PLAGL1: variants seen among roughly 807,000 people sequenced by gnomAD.
The protein encoded by PLAGL1 is zinc finger protein PLAGL1.
A neutral mutation model predicts 4.6 loss-of-function variants in PLAGL1; 1 was observed. The observed-to-expected ratio is 0.22, with a 90% confidence interval of 0.08 to 1.03. The LOEUF is 1.03. Among genes scored for constraint, PLAGL1 ranks in the 50% least tolerant of loss-of-function variants. The pLI, the probability that PLAGL1 is intolerant of heterozygous loss-of-function variation, is 0.58. For synonymous variants in PLAGL1, 240 were observed against 237.8 expected (o/e 1.01, Z -0.08); for missense variants, 464 against 570.4 (o/e 0.81, Z 1.90).
At position 144,028,000 on chromosome 6, in the gene PLAGL1, G is replaced by A. The variant is rs1289138111; in HGVS notation, c.-151+36468C>T. Among the ~76,000 whole-genome samples the A allele has an allele frequency of 6.6e-6, 1 of 152,168 alleles. No individual in the cohort carries two copies. The highest frequency in any genetic ancestry group is 1.5e-5 in the Non-Finnish European group (1 of 68,022). On this transcript the variant is annotated intron_variant, in intron 1 of 3. Transcript: ENST00000437412. This position sits in a 1 kb window ranked among gnomAD's most constrained non-coding sequence, Gnocchi z 5.8. ...ATAAAGAATTCAAAACTCCAAAAATGCACAGGATTGTCCCTTTGAAGTCTC... is the reference window on the plus strand; with the variant it reads ...ATAAAGAATTCAAAACTCCAAAAATACACAGGATTGTCCCTTTGAAGTCTC...
rs1220753425 is a variant in PLAGL1 at position 143,960,475 on chromosome 6, A to G, written c.-331T>C. 1 of 152,218 alleles carries G rather than the reference A, an allele frequency of 6.6e-6. No individual in the cohort carries two copies. The highest frequency in any genetic ancestry group is 1.5e-5 in the Non-Finnish European group (1 of 68,036). 9.4% of individuals were successfully genotyped at this position (152,218 alleles called of 1,614,324 possible). A position where few individuals can be genotyped will look rare whatever the true frequency, so the allele number is the denominator to read the frequency against. On this transcript the variant is annotated 5_prime_UTR_variant, in exon 6 of 8. Transcript: ENST00000674357. This position sits in a 1 kb window ranked among gnomAD's most constrained non-coding sequence, Gnocchi z 5.7. ...AATCTTAAAACATGCGCACCTACTGAGTGACAGGGAACATCTGCTGCGAGG... is the reference window on the plus strand; with the variant it reads ...AATCTTAAAACATGCGCACCTACTGGGTGACAGGGAACATCTGCTGCGAGG...
At position 144,053,222 on chromosome 6, in the gene PLAGL1, C is replaced by T. The variant is rs946617624; in HGVS notation, c.-151+11246G>A. 6.6e-6 allele frequency among the ~76,000 whole-genome samples: 1 copy of T among 152,148 alleles called. No individual in the cohort carries two copies. The highest frequency in any genetic ancestry group is 2.4e-5 in the African/African-American group (1 of 41,416). Reference sequence around the variant, plus strand: ...CAATTTTGGCTTACTGCAACCTCTGCCTCCCGGGTTCAAGCAATTCTCCTG... The same window carrying T: ...CAATTTTGGCTTACTGCAACCTCTGTCTCCCGGGTTCAAGCAATTCTCCTG... On this transcript the variant is annotated intron_variant, in intron 1 of 3. Transcript: ENST00000437412. The surrounding 1 kb of genome is among the most constrained non-coding windows in gnomAD (Gnocchi z 4.0).
rs570603530 is a variant in PLAGL1, at chr6:143,990,223, C to T, written c.-583-5049G>A. On this transcript the variant is annotated intron_variant, in intron 1 of 7. Transcript: ENST00000674357. The surrounding 1 kb of genome is among the most constrained non-coding windows in gnomAD (Gnocchi z 5.4). ...GCAACCTCCGCCTACCGGGTTCAAG[C>T]GATTATCTTGCTTCAGCTTCCCAAG... Among the ~76,000 whole-genome samples, 3 of 152,052 alleles carry T rather than the reference C, an allele frequency of 2.0e-5. No individual in the cohort carries two copies. The highest frequency in any genetic ancestry group is 4.8e-5 in the African/African-American group (2 of 41,472).
intron 1 of PLAGL1, among the ~76,000 whole-genome samples, chr6:144,029,246 C>A (rs1796612962): frequency 6.6e-6 from 1 of 152,096 alleles, no homozygotes; most frequent in South Asian, 2.1e-4. Flanking sequence ...GTAAGGAAGG[C>A]ATTTCCAAGT....
chr6:144,044,819 G>T (rs887230447), intron 1 of PLAGL1, among the ~76,000 whole-genome samples: 1 of 151,994 alleles, frequency 6.6e-6, no homozygotes, highest in African/African-American at 2.4e-5. Flanking sequence ...TCTCTTTTTA[G>T]GTCTCTAAGG....
chr6:144,026,875 A>C (rs1486148145), intron 1 of PLAGL1, among the ~76,000 whole-genome samples: 4 of 152,154 alleles, frequency 2.6e-5, no homozygotes, highest in Admixed American at 2.6e-4. Context: ...CAGTTTGCTT[A>C]GACTTCTCAG....
chr6:144,026,963 G>A (rs993098562), intron 1 of PLAGL1, among the ~76,000 whole-genome samples: 8 of 152,098 alleles, frequency 5.3e-5, no homozygotes, highest in Admixed American at 1.3e-4. Flanking sequence ...TGTAATCACA[G>A]CACTTTGGAA....
chr6:143,992,804 C>T (rs1270984842), intron 1 of PLAGL1, among the ~76,000 whole-genome samples: 1 of 151,978 alleles, frequency 6.6e-6, no homozygotes, highest in African/African-American at 2.4e-5. Context: ...ATGGTGAAAC[C>T]TCATCTCTAC....
At chr6:144,049,068 C>G (rs1399372336) in intron 1 of PLAGL1, among the ~76,000 whole-genome samples, 1 of 152,238 alleles carries the variant, frequency 6.6e-6, no homozygotes, top group Non-Finnish European at 1.5e-5. Flanking sequence ...CAAAGTTGCA[C>G]AGATCTCTAG....
rs1455326112 is a variant in PLAGL1 at position 144,034,680 on chromosome 6, A to T, written c.-151+29788T>A. The stretch of plus-strand genomic sequence containing the variant: ...TATCAAACATGGAACTTAACTTTGG[A>T]GTTTATTTTATTCTAAAAATCAGGT... On this transcript the variant is annotated intron_variant, in intron 1 of 3. Transcript: ENST00000437412. The surrounding 1 kb of genome is among the most constrained non-coding windows in gnomAD (Gnocchi z 4.7). Among the ~76,000 whole-genome samples, 4 of 152,240 alleles carry T rather than the reference A, an allele frequency of 2.6e-5. No individual in the cohort carries two copies. In the East Asian group the frequency reaches 7.7e-4, roughly 29 times the overall value.
In PLAGL1 at chr6:143,954,113, G is replaced by A. The variant is rs1583149765; in HGVS notation, c.-324-5653C>T. On this transcript the variant is annotated intron_variant, in intron 6 of 7. Transcript: ENST00000674357. The surrounding 1 kb of genome is among the most constrained non-coding windows in gnomAD (Gnocchi z 5.1). The stretch of plus-strand genomic sequence containing the variant: ...AAAAGAGCAAACCATAAGGACAAAG[G>A]GGGTTTCCTCCAGGGGTCGCCACCT... Among the ~76,000 whole-genome samples the A allele has an allele frequency of 6.6e-6, 1 of 152,206 alleles. No homozygotes were observed. The highest frequency in any genetic ancestry group is 2.4e-5 in the African/African-American group (1 of 41,538).
intron 2 of PLAGL1, among the ~76,000 whole-genome samples, chr6:143,977,665 A>G (rs1048123677): frequency 1.3e-5 from 2 of 151,586 alleles, no homozygotes; most frequent in Admixed American, 6.6e-5. Flanking sequence ...ATGCCAGGCT[A>G]ATTTTTGTAT....
In PLAGL1 at chr6:143,962,417, T is replaced by C. The variant is rs1414292112; in HGVS notation, c.-398-1875A>G. ...ATCCTAAAGATAAATGTTTCCGAGTTCCAGAGTAACAAGAAGAATCACATT... is the reference window on the plus strand; with the variant it reads ...ATCCTAAAGATAAATGTTTCCGAGTCCCAGAGTAACAAGAAGAATCACATT... On this transcript the variant is annotated intron_variant, in intron 5 of 7. Coordinates refer to ENST00000674357, the MANE Select transcript of PLAGL1 (RefSeq NM_001317162.2). This position sits in a 1 kb window ranked among gnomAD's most constrained non-coding sequence, Gnocchi z 5.3. Among the ~76,000 whole-genome samples the C allele has an allele frequency of 6.6e-6, 1 of 152,194 alleles. No homozygotes were observed. The highest frequency in any genetic ancestry group is 2.4e-5 in the African/African-American group (1 of 41,456).
intron 1 of PLAGL1, among the ~76,000 whole-genome samples, chr6:143,988,274 T>C (rs1206880128): frequency 6.6e-6 from 1 of 152,224 alleles, no homozygotes; most frequent in African/African-American, 2.4e-5. Context: ...AGCTGTAACA[T>C]TTATGTTTAT....
At chr6:144,042,608 G>A (rs186672300) in intron 1 of PLAGL1, among the ~76,000 whole-genome samples, 12,738 of 152,242 alleles carry the variant, frequency 0.084, 779 homozygotes, top group Admixed American at 0.21. Context: ...CAGGTAGCGT[G>A]ATGCCTCCAG....
At chr6:144,011,440 G>A (rs1425340439), upstream of PLAGL1, among the ~76,000 whole-genome samples, 2 of 152,130 alleles carry the variant, frequency 1.3e-5, no homozygotes, top group African/African-American at 4.8e-5. The surrounding 1 kb of genome is among the most constrained non-coding windows in gnomAD (Gnocchi z 4.3). Flanking sequence ...GAGGTGGCTT[G>A]ATTTTTCTGC....
At chr6:144,060,897 T>C (rs1206512750) in intron 1 of PLAGL1, among the ~76,000 whole-genome samples, 1 of 152,208 alleles carries the variant, frequency 6.6e-6, no homozygotes, top group Non-Finnish European at 1.5e-5. Context: ...TGCTAAACAA[T>C]AAAGCTGACT....
rs2128586931 is a variant in PLAGL1, at chr6:143,973,589, A to G, written c.-543-4611T>C. 6.6e-6 allele frequency among the ~76,000 whole-genome samples: 1 copy of G among 152,256 alleles called. No homozygotes were observed. Among genetic ancestry groups the G allele is most frequent in the East Asian group, 1.9e-4 (1 of 5,188 alleles). ...CTTTCTTCCTCCATCCTACAACCCT[A>G]CAAGCGATAGTCTCACTGAACAATC... On this transcript the variant is annotated intron_variant, in intron 2 of 7. Coordinates refer to ENST00000674357, the MANE Select transcript of PLAGL1 (RefSeq NM_001317162.2). The surrounding 1 kb of genome is among the most constrained non-coding windows in gnomAD (Gnocchi z 6.2).
Position 143,953,061 on chromosome 6 carries a change from C to T in PLAGL1, c.-324-4601G>A, listed in dbSNP as rs59407195. The stretch of plus-strand genomic sequence containing the variant: ...TTCCTTAAAGTGCTACTTTCTCTCA[C>T]GCTTCTGGCTTTCTCCCTCCTGGAA... On this transcript the variant is annotated intron_variant, in intron 6 of 7. Transcript: ENST00000674357. The surrounding 1 kb of genome is among the most constrained non-coding windows in gnomAD (Gnocchi z 5.3). Among the ~76,000 whole-genome samples the T allele has an allele frequency of 3.9e-3, 588 of 152,348 alleles. 1 individual carries two copies. Among genetic ancestry groups the T allele is most frequent in the African/African-American group, 0.013 (539 of 41,572 alleles).
Sources: allele counts gnomAD v4.1 joint callset (sites outside exome capture counted in the v4.1 genomes callset), GRCh38; gene constraint gnomAD v4.1.1; non-coding constraint Gnocchi (gnomAD v3.1); transcripts MANE v1.5; gene names NCBI Gene and HGNC (gene_info 2026-07-23, HGNC 2026-07-21).